Variants in ABHD2 observed in about 807,000 individuals in gnomAD.
The protein encoded by ABHD2 is monoacylglycerol lipase ABHD2.
In ABHD2, 20 loss-of-function variants were observed where a neutral mutation model predicts 48.1. The ratio of observed to expected loss-of-function variants is 0.42; its 90% confidence interval spans 0.29 to 0.60. ABHD2 has a LOEUF of 0.60. Ranked by LOEUF, ABHD2 falls within the 20% of genes least tolerant of loss-of-function variation. The probability of loss-of-function intolerance (pLI) is 0.24; values close to 1 mark genes in which losing one functional copy is unlikely to be tolerated. For synonymous variants in ABHD2, 209 were observed against 214.2 expected, an observed-to-expected ratio of 0.98 and a Z score of 0.21; for missense variants, 405 against 550.9, an observed-to-expected ratio of 0.74 and a Z score of 2.65.
chr15:89,117,561 C>T (rs1015012106), intron 3 of ABHD2, among the ~76,000 whole-genome samples: 3 of 152,236 alleles, frequency 2.0e-5, no homozygotes, highest in Non-Finnish European at 2.9e-5. Context: ...CTGCTTCACT[C>T]GCTTTGTGCT....
In ABHD2 at chr15:89,135,009, C is replaced by T. The variant is rs77551189; in HGVS notation, c.195-16668C>T. ...AGAAAGGCAAGATGTAGTACAAATG[C>T]TGATGTCAAATGTCAGCATTTTAAT... On this transcript the variant is annotated intron_variant, in intron 3 of 10. Transcript: ENST00000352732. Among the ~76,000 whole-genome samples the T allele has an allele frequency of 3.3e-3, 500 of 152,260 alleles. 7 individuals are homozygous for T. Among genetic ancestry groups the T allele is most frequent in the African/African-American group, 9.9e-3 (410 of 41,542 alleles).
rs147885662 is a variant in ABHD2 at position 89,201,822 on chromosome 15, AGGGGGCGGCTTGCTCGCT to A, written c.*6408_*6425del. 8.6e-3 allele frequency: 10,762 copies of A among 1,245,464 alleles called. 655 individuals carry two copies. The African/African-American group carries it at 0.14, about 16-fold the overall frequency. 77.2% of individuals were successfully genotyped at this position (1,245,464 alleles called of 1,614,324 possible). ...CGCCATTGGAGAGACAGCGCAGAGCAGGGGGCGGCTTGCTCGCTGGGGGCGGGGGACGATGGCGAGAGG... is the reference window on the plus strand; with the variant it reads ...CGCCATTGGAGAGACAGCGCAGAGCAGGGGGCGGGGGACGATGGCGAGAGG... On this transcript the variant is annotated 3_prime_UTR_variant, in exon 11 of 11. Transcript: ENST00000352732.
chr15:89,193,219 T>C lies in ABHD2; in HGVS notation c.997-16T>C. ...GGGAATCAGTAGTTTAATTCTGCTT[T>C]ATGTTCTTGTTGCAGATTTATGTTC... On this transcript the variant is annotated splice_polypyrimidine_tract_variant and intron_variant, in intron 9 of 10. Transcript: ENST00000352732. The C allele has an allele frequency of 6.2e-7, 1 of 1,612,828 alleles. No homozygotes were observed. The highest frequency in any genetic ancestry group is 1.1e-5 in the South Asian group (1 of 91,062).
chr15:89,176,665 C>T lies in ABHD2; in HGVS notation c.722+670C>T, dbSNP rs1023085618. Among the ~76,000 whole-genome samples the T allele has an allele frequency of 2.6e-5, 4 of 152,118 alleles. No homozygotes were observed. Among genetic ancestry groups the T allele is most frequent in the Admixed American group, 6.5e-5 (1 of 15,268 alleles). On this transcript the variant is annotated intron_variant, in intron 6 of 10. Coordinates refer to ENST00000352732, the MANE Select transcript of ABHD2 (RefSeq NM_152924.5). This position sits in a 1 kb window ranked among gnomAD's most constrained non-coding sequence, Gnocchi z 4.5. ...TCTCTCAAGAGTCACCACACTCACA[C>T]GTTCACACACACATGCACACACTCA...
chr15:89,041,214 G>C, the ABHD2 span: 1 of 152,194 alleles, frequency 6.6e-6, no homozygotes, highest in Non-Finnish European at 1.5e-5. Context: ...CTGCAGCCTC[G>C]GTGGAGCAGC....
At chr15:89,128,575 A>G (rs2050171673) in intron 3 of ABHD2, among the ~76,000 whole-genome samples, 1 of 152,038 alleles carries the variant, frequency 6.6e-6, no homozygotes, top group Non-Finnish European at 1.5e-5. Flanking sequence ...AACTCCCAAA[A>G]ATGATCTTGG....
intron 3 of ABHD2, among the ~76,000 whole-genome samples, chr15:89,150,346 T>G (rs924794091): frequency 2.0e-5 from 3 of 152,196 alleles, no homozygotes; most frequent in African/African-American, 7.2e-5. Context: ...TCTTGTATAG[T>G]GTTTGGTTGT....
In ABHD2 at chr15:89,151,990, C is replaced by T. The variant is rs957230514; in HGVS notation, c.370+138C>T. On this transcript the variant is annotated intron_variant, in intron 4 of 10. Coordinates refer to ENST00000352732, the MANE Select transcript of ABHD2 (RefSeq NM_152924.5). This position sits in a 1 kb window ranked among gnomAD's most constrained non-coding sequence, Gnocchi z 4.7. ...GGCTGTTGGGAAGCCTGCTGGGATT[C>T]GTCACTTAGGAGCAGCCTGCAAAGG... The T allele has an allele frequency of 2.6e-6, 3 of 1,135,318 alleles. No individual in the cohort carries two copies. Among genetic ancestry groups the T allele is most frequent in the Non-Finnish European group, 3.7e-6 (3 of 810,764 alleles). The allele number at this position is 1,135,318 out of a possible 1,614,324, so 70.3% of individuals were successfully genotyped here.
chr15:89,064,453 C>T, the ABHD2 span, among the ~76,000 whole-genome samples: 1 of 151,998 alleles, frequency 6.6e-6, no homozygotes, highest in Non-Finnish European at 1.5e-5. Context: ...TGGTCTCGAT[C>T]TCCTGACCTT....
In ABHD2 at chr15:89,166,431, C is replaced by T. The variant is rs540165078; in HGVS notation, c.539-9381C>T. Among the ~76,000 whole-genome samples, 2 of 152,284 alleles carry T rather than the reference C, an allele frequency of 1.3e-5. No individual in the cohort carries two copies. The highest frequency in any genetic ancestry group is 3.9e-4 in the East Asian group (2 of 5,184). The stretch of plus-strand genomic sequence containing the variant: ...ACGTGAAATCACAGCATTGAATTCT[C>T]TTGCTGGGAGGAGGAAATCTTTAAT... On this transcript the variant is annotated intron_variant, in intron 5 of 10. Coordinates refer to ENST00000352732, the MANE Select transcript of ABHD2 (RefSeq NM_152924.5). The surrounding 1 kb of genome is among the most constrained non-coding windows in gnomAD (Gnocchi z 4.6).
At chr15:89,135,527 C>A (rs2050293905) in intron 3 of ABHD2, 1 of 1,296,540 alleles carries the variant, frequency 7.7e-7, no homozygotes, top group Admixed American at 1.8e-5. Context: ...AGAAAAAAAA[C>A]TACACTAGAA....
At chr15:89,071,429 A>T in the ABHD2 span, among the ~76,000 whole-genome samples, 1 of 152,206 alleles carries the variant, frequency 6.6e-6, no homozygotes, top group African/African-American at 2.4e-5. Context: ...CTCAAAAGAA[A>T]AAAAAAGACA....
the ABHD2 span, among the ~76,000 whole-genome samples, chr15:89,064,006 C>A: frequency 6.6e-6 from 1 of 151,896 alleles, no homozygotes; most frequent in Non-Finnish European, 1.5e-5. Flanking sequence ...AATAAGAACC[C>A]CCATTACCCC....
In ABHD2 at chr15:89,116,241, C is replaced by T; in HGVS notation, c.-6-81C>T. On this transcript the variant is annotated intron_variant, in intron 2 of 10. Coordinates refer to ENST00000352732, the MANE Select transcript of ABHD2 (RefSeq NM_152924.5). The surrounding 1 kb of genome is among the most constrained non-coding windows in gnomAD (Gnocchi z 4.6). The stretch of plus-strand genomic sequence containing the variant: ...CACCGTCACTGGCAGTATCTCTTAG[C>T]CCACCATGCGTCTGTAGGGTGGTGG... 7.5e-7 allele frequency: 1 copy of T among 1,337,066 alleles called. No individual in the cohort carries two copies. Among genetic ancestry groups the T allele is most frequent in the Non-Finnish European group, 1.0e-6 (1 of 966,308 alleles). The allele number at this position is 1,337,066 out of a possible 1,614,324, so 82.8% of individuals were successfully genotyped here.
Position 89,146,068 on chromosome 15 carries a change from C to T in ABHD2, c.195-5609C>T, listed in dbSNP as rs1018370028. 2.6e-5 allele frequency among the ~76,000 whole-genome samples: 4 copies of T among 152,084 alleles called. No individual in the cohort carries two copies. The highest frequency in any genetic ancestry group is 5.9e-5 in the Non-Finnish European group (4 of 68,016). On this transcript the variant is annotated intron_variant, in intron 3 of 10. Transcript: ENST00000352732. This position sits in a 1 kb window ranked among gnomAD's most constrained non-coding sequence, Gnocchi z 4.2. ...GCTGCAACTTGCTGAGATGTGAGGA[C>T]TCAATCTCAGGCAACATATCCTAAA... is the stretch of plus-strand genomic sequence containing the variant.
chr15:89,116,016 G>A lies in ABHD2; in HGVS notation c.-6-306G>A, dbSNP rs907078757. Among the ~76,000 whole-genome samples the A allele has an allele frequency of 3.9e-5, 6 of 152,186 alleles. No individual in the cohort carries two copies. The highest frequency in any genetic ancestry group is 1.4e-4 in the African/African-American group (6 of 41,444). On this transcript the variant is annotated intron_variant, in intron 2 of 10. Transcript: ENST00000352732. This position sits in a 1 kb window ranked among gnomAD's most constrained non-coding sequence, Gnocchi z 4.6. ...ATCTTATTTTTCCCCCTCCGATAAA[G>A]GACACTATTCTTAGCATTTTTCAAT...
intron 3 of ABHD2, among the ~76,000 whole-genome samples, chr15:89,117,427 G>C (rs1304291994): frequency 6.6e-6 from 1 of 152,210 alleles, no homozygotes; most frequent in African/African-American, 2.4e-5. Flanking sequence ...CACACATACT[G>C]TTTTCAAGAG....
In ABHD2 at chr15:89,193,302, T is replaced by C; in HGVS notation, c.1064T>C (p.Ile355Thr). 1 of 1,614,172 alleles carries C rather than the reference T, an allele frequency of 6.2e-7. No homozygotes were observed. Among genetic ancestry groups the C allele is most frequent in the Non-Finnish European group, 8.5e-7 (1 of 1,179,982 alleles). ...TTGGTGCATGAAAGTCTTCTAACCA[T>C]TCCAAAATCTCTTTCAGGTAAGTGT... is the stretch of plus-strand genomic sequence containing the variant. ...DPLVHESLLT[I>T]PKSLSEKREN... Residue 355 changes from isoleucine (I) to threonine (T), a missense_variant, in exon 10 of 11, where the codon ATT becomes ACT. Coordinates refer to ENST00000352732, the MANE Select transcript of ABHD2 (RefSeq NM_152924.5).
Position 89,137,432 on chromosome 15 carries a change from C to T in ABHD2, c.195-14245C>T, listed in dbSNP as rs2050333139. On this transcript the variant is annotated intron_variant, in intron 3 of 10. Coordinates refer to ENST00000352732, the MANE Select transcript of ABHD2 (RefSeq NM_152924.5). This position sits in a 1 kb window ranked among gnomAD's most constrained non-coding sequence, Gnocchi z 4.8. ...TTCTTTTTAAGTGGTTTTATTGTAA[C>T]TCATGGGGCTGTTCTCCTAACATTC... 2.0e-5 allele frequency among the ~76,000 whole-genome samples: 3 copies of T among 152,162 alleles called. No homozygotes were observed. The highest frequency in any genetic ancestry group is 7.2e-5 in the African/African-American group (3 of 41,430).
Sources: allele counts gnomAD v4.1 joint callset (sites outside exome capture counted in the v4.1 genomes callset), GRCh38; gene constraint gnomAD v4.1.1; non-coding constraint Gnocchi (gnomAD v3.1); transcripts MANE v1.5; gene names NCBI Gene and HGNC (gene_info 2026-07-23, HGNC 2026-07-21).